Variants in ATXN1 observed in about 807,000 individuals in gnomAD.
The protein encoded by ATXN1 is ataxin-1.
Under a neutral mutation model 56.4 loss-of-function variants are expected in ATXN1, and 8 were observed. The ratio of observed to expected loss-of-function variants is 0.14; its 90% CI spans 0.08 to 0.26. The LOEUF is 0.26. Among genes scored for constraint, ATXN1 ranks in the 10% least tolerant of loss-of-function variants. The pLI is 1.00. For synonymous variants in ATXN1, 514 were observed against 494.6 expected, an observed-to-expected ratio of 1.04 and a Z score of -0.52; for missense variants, 987 against 1,106.5, an observed-to-expected ratio of 0.89 and a Z score of 1.53.
At position 16,584,223 on chromosome 6, in the gene ATXN1, CAT is replaced by C. The variant is rs746676585; in HGVS notation, c.-361+1555_-361+1556del. ...ATTTAATCATGTTCCCGATATTGGA[CAT>C]ATATATATATATATATATACACACA... On this transcript the variant is annotated intron_variant, in intron 4 of 7. Transcript: ENST00000436367. Among the ~76,000 whole-genome samples the C allele has an allele frequency of 8.7e-3, 698 of 80,682 alleles. 12 individuals are homozygous for C. The highest frequency in any genetic ancestry group is 0.02 in the African/African-American group (614 of 30,042). The allele number at this position is 80,682 out of a possible 152,430, so 52.9% of individuals were successfully genotyped here.
intron 3 of ATXN1, among the ~76,000 whole-genome samples, chr6:16,642,875 G>A (rs138488390): frequency 1.0e-3 from 155 of 152,312 alleles, no homozygotes; most frequent in African/African-American, 3.7e-3. Flanking sequence ...ACTATAGTAT[G>A]GTGTAAACAT....
chr6:16,601,983 G>T (rs1393693553), intron 3 of ATXN1, among the ~76,000 whole-genome samples: 1 of 152,152 alleles, frequency 6.6e-6, no homozygotes, highest in Non-Finnish European at 1.5e-5. Context: ...TAGAGTCAGG[G>T]TTCTCAAATC....
chr6:16,724,395 G>T (rs1224972100), intron 2 of ATXN1, among the ~76,000 whole-genome samples: 1 of 151,980 alleles, frequency 6.6e-6, no homozygotes, highest in African/African-American at 2.4e-5. Flanking sequence ...TATGGTCATG[G>T]AAGAGCTGGA....
intron 6 of ATXN1, among the ~76,000 whole-genome samples, chr6:16,470,632 A>G (rs554866928): frequency 6.6e-6 from 1 of 152,336 alleles, no homozygotes; most frequent in Non-Finnish European, 1.5e-5. Context: ...TAGACTGATT[A>G]GGTAGACAGC....
At chr6:16,556,691 T>A (rs1762020498) in intron 4 of ATXN1, among the ~76,000 whole-genome samples, 1 of 152,172 alleles carries the variant, frequency 6.6e-6, no homozygotes, top group South Asian at 2.1e-4. Flanking sequence ...ATGAGAAGCA[T>A]CCCATTAAAA....
At chr6:16,458,710 T>G (rs1759929758) in intron 6 of ATXN1, among the ~76,000 whole-genome samples, 1 of 152,172 alleles carries the variant, frequency 6.6e-6, no homozygotes, top group South Asian at 2.1e-4. Flanking sequence ...GTTATCAGTG[T>G]GGTTTGCAAG....
chr6:16,533,879 T>C (rs970509781), intron 4 of ATXN1, among the ~76,000 whole-genome samples: 4 of 152,308 alleles, frequency 2.6e-5, no homozygotes, highest in East Asian at 1.9e-4. Flanking sequence ...CCTATTTGCA[T>C]AGCACTATTC....
chr6:16,332,549 A>G (rs1243459275), intron 6 of ATXN1, among the ~76,000 whole-genome samples: 1 of 152,188 alleles, frequency 6.6e-6, no homozygotes, highest in African/African-American at 2.4e-5. Flanking sequence ...CACCTGCCAC[A>G]ACAAAAAGAT....
Position 16,728,652 on chromosome 6 carries a change from C to T in ATXN1, c.-615+24581G>A, listed in dbSNP as rs547559226. ...TGAAGTGTGAATACTAGGGGTATTA[C>T]GTATATTGATTTTCTTAGTCCTTAC... On this transcript the variant is annotated intron_variant, in intron 2 of 7. Transcript: ENST00000436367. Among the ~76,000 whole-genome samples the T allele has an allele frequency of 3.9e-5, 6 of 152,284 alleles. No individual in the cohort carries two copies. The East Asian group carries it at 1.2e-3, about 29-fold the overall frequency.
intron 6 of ATXN1, among the ~76,000 whole-genome samples, chr6:16,403,002 A>T (rs1231489598): frequency 2.0e-5 from 3 of 152,220 alleles, no homozygotes; most frequent in African/African-American, 7.2e-5. Context: ...GTAGATAGTG[A>T]ATTTTTTTTA....
intron 2 of ATXN1, among the ~76,000 whole-genome samples, chr6:16,696,597 A>G (rs1759170564): frequency 1.3e-5 from 2 of 152,212 alleles, no homozygotes; most frequent in Admixed American, 6.5e-5. Context: ...TCAGGAGTCT[A>G]CAAAATTAAA....
intron 6 of ATXN1, among the ~76,000 whole-genome samples, chr6:16,345,994 T>A (rs764415189): frequency 2.0e-5 from 3 of 152,188 alleles, no homozygotes; most frequent in Non-Finnish European, 4.4e-5. Flanking sequence ...CAACACCCTC[T>A]GAATGAGGCA....
intron 3 of ATXN1, among the ~76,000 whole-genome samples, chr6:16,634,861 A>C (rs1581315518): frequency 1.3e-5 from 2 of 152,104 alleles, no homozygotes; most frequent in South Asian, 4.2e-4. Context: ...GAGACACAGC[A>C]CTCTGAAAAT....
At chr6:16,743,770 A>G (rs894931789) in intron 2 of ATXN1, among the ~76,000 whole-genome samples, 1 of 152,220 alleles carries the variant, frequency 6.6e-6, no homozygotes, top group Admixed American at 6.5e-5. Context: ...CAGACAGTGC[A>G]GAGAGAGGAG....
At chr6:16,543,242 G>T (rs558895294) in intron 4 of ATXN1, among the ~76,000 whole-genome samples, 6 of 152,240 alleles carry the variant, frequency 3.9e-5, no homozygotes, top group African/African-American at 1.4e-4. Flanking sequence ...CATTCTGTGC[G>T]GGAGGGGACA....
chr6:16,715,159 G>A (rs779909937), intron 2 of ATXN1, among the ~76,000 whole-genome samples: 29 of 152,018 alleles, frequency 1.9e-4, no homozygotes, highest in Non-Finnish European at 3.4e-4. Context: ...AAATACATCT[G>A]CATATGCCAC....
At chr6:16,514,211 A>C (rs1001915162) in intron 5 of ATXN1, among the ~76,000 whole-genome samples, 19 of 152,118 alleles carry the variant, frequency 1.2e-4, no homozygotes, top group African/African-American at 4.6e-4. Flanking sequence ...CTTTCTCCCA[A>C]ATCAAAACTG....
intron 6 of ATXN1, among the ~76,000 whole-genome samples, chr6:16,484,551 T>C (rs1252913360): frequency 6.6e-6 from 1 of 152,298 alleles, no homozygotes; most frequent in East Asian, 1.9e-4. Context: ...ATCTCAACAG[T>C]AGGAATAGGA....
At chr6:16,696,148 C>T (rs1317279988) in intron 2 of ATXN1, among the ~76,000 whole-genome samples, 1 of 152,120 alleles carries the variant, frequency 6.6e-6, no homozygotes, top group African/African-American at 2.4e-5. Context: ...TGCCTCAGGC[C>T]ACACTGGCTA....
Sources: allele counts gnomAD v4.1 joint callset (sites outside exome capture counted in the v4.1 genomes callset), GRCh38; gene constraint gnomAD v4.1.1; transcripts MANE v1.5; gene names NCBI Gene and HGNC (gene_info 2026-07-23, HGNC 2026-07-21).